The following PALM2AKAP2 variants were observed in gnomAD, a reference collection of about 807,000 sequenced individuals.
PALM2AKAP2 encodes PALM2-AKAP2 fusion protein.
Under a neutral mutation model 71.5 loss-of-function variants are expected in PALM2AKAP2, and 37 were observed. The observed-to-expected ratio is 0.52, with a 90% CI of 0.40 to 0.68. The LOEUF (loss-of-function observed/expected upper bound fraction) is 0.68, where lower values mean the gene tolerates loss of function less well. Ranked by LOEUF, PALM2AKAP2 falls within the 30% of genes least tolerant of loss-of-function variation. The pLI, the probability that PALM2AKAP2 is intolerant of heterozygous loss-of-function variation, is 0.00. For missense variants in PALM2AKAP2, 1,224 were observed against 1,191.8 expected, an observed-to-expected ratio of 1.03 and a Z score of -0.40; for synonymous variants, 468 against 478.8, an observed-to-expected ratio of 0.98 and a Z score of 0.29.
At chr9:109,821,180 C>G (rs1827990612) in intron 1 of PALM2AKAP2, among the ~76,000 whole-genome samples, 1 of 152,180 alleles carries the variant, frequency 6.6e-6, no homozygotes, top group Admixed American at 6.5e-5. Flanking sequence ...GTGCAACCCA[C>G]AGCAAGGCCA....
intron 6 of PALM2AKAP2, among the ~76,000 whole-genome samples, chr9:109,969,031 T>A (rs1165381848): frequency 6.6e-6 from 1 of 151,770 alleles, no homozygotes; most frequent in African/African-American, 2.4e-5. Flanking sequence ...TGCAGGAATG[T>A]AAAATGCAAG....
chr9:109,662,258 A>G (rs1025482335), intron 1 of PALM2AKAP2, among the ~76,000 whole-genome samples: 1 of 152,146 alleles, frequency 6.6e-6, no homozygotes, highest in Admixed American at 6.5e-5. Context: ...TTTCAAAGGG[A>G]ATGCTTCCAG....
intron 1 of PALM2AKAP2, among the ~76,000 whole-genome samples, chr9:109,854,507 T>C (rs1411998475): frequency 6.6e-6 from 1 of 152,150 alleles, no homozygotes; most frequent in Non-Finnish European, 1.5e-5. Context: ...ACATTTTCCA[T>C]GTTAGCCTAC....
chr9:109,679,501 G>A (rs1469185540), intron 1 of PALM2AKAP2, among the ~76,000 whole-genome samples: 3 of 152,120 alleles, frequency 2.0e-5, no homozygotes, highest in East Asian at 1.9e-4. Context: ...TTTTGCCATC[G>A]AAAACTCTGA....
intron 1 of PALM2AKAP2, among the ~76,000 whole-genome samples, chr9:109,855,448 A>C (rs10980087): frequency 0.081 from 12,365 of 152,246 alleles, 660 homozygotes; most frequent in East Asian, 0.19. Context: ...ATACTGATTC[A>C]GGCCCAGTAT....
intron 1 of PALM2AKAP2, among the ~76,000 whole-genome samples, chr9:109,677,598 G>T (rs1167781195): frequency 1.3e-5 from 2 of 151,630 alleles, no homozygotes; most frequent in Non-Finnish European, 2.9e-5. Context: ...AACCCAGGAG[G>T]CAGAGGTTGC....
intron 1 of PALM2AKAP2, among the ~76,000 whole-genome samples, chr9:109,719,408 T>C (rs992365780): frequency 2.0e-5 from 3 of 152,212 alleles, no homozygotes; most frequent in African/African-American, 7.2e-5. Context: ...CAAGCCCTGA[T>C]GTCTTCACTT....
intron 7 of PALM2AKAP2, among the ~76,000 whole-genome samples, chr9:110,018,231 C>T (rs1833016345): frequency 6.6e-6 from 1 of 152,050 alleles, no homozygotes; most frequent in African/African-American, 2.4e-5. Context: ...TTTCTTTTAC[C>T]CCTGCCCTAC....
At position 109,975,349 on chromosome 9, in the gene PALM2AKAP2, G is replaced by C. The variant is rs1832153264; in HGVS notation, c.497-40605G>C. 2.0e-5 allele frequency among the ~76,000 whole-genome samples: 3 copies of C among 152,304 alleles called. No homozygotes were observed. In the South Asian group the frequency reaches 6.2e-4, roughly 32 times the overall value. On this transcript the variant is annotated intron_variant, in intron 6 of 9. Transcript: ENST00000302798. ...GGGGCACCAGAAGACGGACATCCCA[G>C]GTTAAGCGGAGAGAGAAAGTTCACC...
intron 1 of PALM2AKAP2, among the ~76,000 whole-genome samples, chr9:110,065,516 G>A (rs769440400): frequency 7.9e-5 from 12 of 152,280 alleles, no homozygotes; most frequent in Non-Finnish European, 1.2e-4. Flanking sequence ...GTGAGCCATC[G>A]TGCCTGCCCT....
intron 2 of PALM2AKAP2, among the ~76,000 whole-genome samples, chr9:110,146,475 G>A (rs1287464510): frequency 6.6e-6 from 1 of 152,122 alleles, no homozygotes. Flanking sequence ...AAGTTAGTTA[G>A]GGGAGCATCT....
exon 4 of PALM2AKAP2, chr9:110,170,010 T>TA (rs1318519707): frequency 7.9e-5 from 12 of 152,654 alleles, no homozygotes; most frequent in African/African-American, 2.7e-4. Context: ...GAGTCACAAT[T>TA]ACAAAGTTTT....
intron 6 of PALM2AKAP2, among the ~76,000 whole-genome samples, chr9:110,006,242 C>T (rs1012000997): frequency 1.5e-4 from 23 of 151,552 alleles, no homozygotes; most frequent in East Asian, 9.7e-4. Context: ...CTTTTCCTCT[C>T]GCCTGCCTGC....
At chr9:109,850,167 C>G (rs1390436693) in intron 1 of PALM2AKAP2, among the ~76,000 whole-genome samples, 1 of 152,098 alleles carries the variant, frequency 6.6e-6, no homozygotes, top group Non-Finnish European at 1.5e-5. Context: ...CTGTTGCCTG[C>G]GATTCAAAGC....
intron 3 of PALM2AKAP2, among the ~76,000 whole-genome samples, chr9:109,921,885 G>A (rs1023644913): frequency 6.6e-6 from 1 of 152,070 alleles, no homozygotes; most frequent in Non-Finnish European, 1.5e-5. Flanking sequence ...ATTTGGAGGA[G>A]GTTAATTTGG....
At chr9:110,072,501 A>G (rs1192214226) in intron 1 of PALM2AKAP2, among the ~76,000 whole-genome samples, 1 of 152,228 alleles carries the variant, frequency 6.6e-6, no homozygotes, top group Non-Finnish European at 1.5e-5. Flanking sequence ...CTTTAAAGGA[A>G]TTACTTATCT....
At chr9:109,691,833 G>GAGATATATAT (rs1435538407) in intron 1 of PALM2AKAP2, among the ~76,000 whole-genome samples, 2 of 36,042 alleles carry the variant, frequency 5.5e-5, no homozygotes, top group African/African-American at 2.2e-4. Context: ...CCAGAAAGAC[G>GAGATATATAT]ATATATATAT....
intron 1 of PALM2AKAP2, among the ~76,000 whole-genome samples, chr9:109,644,033 C>T (rs1024544824): frequency 1.3e-5 from 2 of 151,998 alleles, no homozygotes; most frequent in Non-Finnish European, 2.9e-5. Context: ...AACCAGATCT[C>T]AGGGGAACTC....
intron 1 of PALM2AKAP2, among the ~76,000 whole-genome samples, chr9:109,854,495 T>C (rs1368052198): frequency 2.6e-5 from 4 of 152,176 alleles, no homozygotes; most frequent in African/African-American, 9.7e-5. Flanking sequence ...GCTTGGTATA[T>C]TACATTTTCC....
Sources: allele counts gnomAD v4.1 joint callset (sites outside exome capture counted in the v4.1 genomes callset), GRCh38; gene constraint gnomAD v4.1.1; transcripts MANE v1.5; gene names NCBI Gene and HGNC (gene_info 2026-07-23, HGNC 2026-07-21).